Variants in SPAG16 observed in about 807,000 individuals in gnomAD.
The protein encoded by SPAG16 is sperm associated antigen 16, also known as sperm-associated antigen 16 protein.
Under a neutral mutation model 80.4 loss-of-function variants are expected in SPAG16, and 86 were observed. The ratio of observed to expected loss-of-function variants is 1.07; its 90% CI spans 0.90 to 1.28. The LOEUF (loss-of-function observed/expected upper bound fraction) is 1.28, where lower values mean the gene tolerates loss of function less well. SPAG16 is among the 50% of genes most tolerant of loss of function. SPAG16 has a pLI of 0.00. For missense variants in SPAG16, 870 were observed against 765.3 expected (o/e 1.14, Z -1.61); for synonymous variants, 294 against 265.9 (o/e 1.11, Z -1.03).
chr2:214,218,471 C>T (rs2058487655), intron 15 of SPAG16, among the ~76,000 whole-genome samples: 1 of 152,114 alleles, frequency 6.6e-6, no homozygotes, highest in Non-Finnish European at 1.5e-5. Context: ...TGCCTTTAAT[C>T]TGATTGCCTG....
chr2:214,244,743 A>G (rs1203382744), intron 15 of SPAG16, among the ~76,000 whole-genome samples: 1 of 152,084 alleles, frequency 6.6e-6, no homozygotes, highest in Non-Finnish European at 1.5e-5. Flanking sequence ...ATAACACTGG[A>G]ATTCTATATT....
intron 15 of SPAG16, among the ~76,000 whole-genome samples, chr2:214,338,586 C>G (rs1576818811): frequency 1.3e-5 from 2 of 152,178 alleles, no homozygotes; most frequent in African/African-American, 4.8e-5. Context: ...GTCCTTCTAT[C>G]TTTTGTTTCT....
At chr2:214,157,058 T>C (rs2056246578) in intron 15 of SPAG16, among the ~76,000 whole-genome samples, 1 of 152,130 alleles carries the variant, frequency 6.6e-6, no homozygotes, top group Non-Finnish European at 1.5e-5. Context: ...CAAATCCATT[T>C]TGTTCTTAAG....
intron 10 of SPAG16, among the ~76,000 whole-genome samples, chr2:213,643,412 T>A (rs760113040): frequency 0.015 from 1,700 of 110,746 alleles, 55 homozygotes; most frequent in Non-Finnish European, 0.026. Flanking sequence ...ATATATATAT[T>A]TTATCTCTTG....
intron 10 of SPAG16, among the ~76,000 whole-genome samples, chr2:213,536,876 C>T (rs1003275004): frequency 7.9e-5 from 12 of 151,952 alleles, no homozygotes; most frequent in Non-Finnish European, 1.5e-4. Flanking sequence ...ATGTTTATCG[C>T]GGCACTATTC....
chr2:213,525,825 C>T (rs1251861168), intron 10 of SPAG16, among the ~76,000 whole-genome samples: 1 of 151,762 alleles, frequency 6.6e-6, no homozygotes, highest in Non-Finnish European at 1.5e-5. Flanking sequence ...ATAGATCTAC[C>T]AGGGTAGATA....
At chr2:213,692,065 T>G (rs1450333137) in intron 10 of SPAG16, among the ~76,000 whole-genome samples, 1 of 152,162 alleles carries the variant, frequency 6.6e-6, no homozygotes, top group African/African-American at 2.4e-5. Flanking sequence ...TAATTATTAA[T>G]AGCAAACTGG....
At chr2:214,254,699 G>C (rs944102302) in intron 15 of SPAG16, among the ~76,000 whole-genome samples, 2 of 151,916 alleles carry the variant, frequency 1.3e-5, no homozygotes, top group Admixed American at 1.3e-4. Context: ...TTGAGAAAAC[G>C]ATGTAAAACT....
At chr2:213,389,766 C>T (rs1251862238) in intron 9 of SPAG16, among the ~76,000 whole-genome samples, 3 of 152,012 alleles carry the variant, frequency 2.0e-5, no homozygotes, top group Admixed American at 6.5e-5. Flanking sequence ...TAATTGGAAC[C>T]ATTGTTCACT....
chr2:213,991,996 T>C (rs1313126392), intron 12 of SPAG16, among the ~76,000 whole-genome samples: 1 of 151,998 alleles, frequency 6.6e-6, no homozygotes, highest in Non-Finnish European at 1.5e-5. Flanking sequence ...TGAAGACTTG[T>C]TTTGTGTCAC....
At chr2:213,550,122 T>C (rs1237440788) in intron 10 of SPAG16, among the ~76,000 whole-genome samples, 1 of 152,090 alleles carries the variant, frequency 6.6e-6, no homozygotes. Flanking sequence ...AATATTTACT[T>C]ATTTTATTCT....
chr2:213,975,429 T>G lies in SPAG16; in HGVS notation c.1401-38522T>G, dbSNP rs534794613. ...AATAAAATGACAATTTATTAACATG[T>G]TCCTAAAGTAGGTCTAAGATAATTT... is the stretch of plus-strand genomic sequence containing the variant. On this transcript the variant is annotated intron_variant, in intron 12 of 15. Coordinates refer to ENST00000331683, the MANE Select transcript of SPAG16 (RefSeq NM_024532.5). 4.6e-5 allele frequency among the ~76,000 whole-genome samples: 7 copies of G among 151,884 alleles called. No individual in the cohort carries two copies. In the East Asian group the frequency reaches 1.4e-3, roughly 29 times the overall value.
chr2:214,174,988 C>T (rs1307173430), intron 15 of SPAG16, among the ~76,000 whole-genome samples: 4 of 151,514 alleles, frequency 2.6e-5, no homozygotes, highest in African/African-American at 9.7e-5. Context: ...CACAACTCTA[C>T]CCTGCAGAAG....
At chr2:214,295,411 A>G (rs757373634) in intron 15 of SPAG16, among the ~76,000 whole-genome samples, 1 of 147,928 alleles carries the variant, frequency 6.8e-6, no homozygotes, top group Non-Finnish European at 1.5e-5. Flanking sequence ...TTTTAATCTT[A>G]CTCACAATAA....
At chr2:214,103,573 C>G (rs1400215349) in intron 13 of SPAG16, among the ~76,000 whole-genome samples, 1 of 152,156 alleles carries the variant, frequency 6.6e-6, no homozygotes, top group Non-Finnish European at 1.5e-5. Flanking sequence ...ATGTGTATAT[C>G]TAGATGAGAA....
At chr2:214,404,560 G>A (rs901831410) in intron 15 of SPAG16, among the ~76,000 whole-genome samples, 1 of 152,104 alleles carries the variant, frequency 6.6e-6, no homozygotes, top group Non-Finnish European at 1.5e-5. Context: ...AAAATGAAAA[G>A]ATCATTTTGA....
intron 11 of SPAG16, among the ~76,000 whole-genome samples, chr2:213,876,902 C>G (rs1173004002): frequency 6.6e-6 from 1 of 152,102 alleles, no homozygotes; most frequent in Non-Finnish European, 1.5e-5. Flanking sequence ...CCCATTTACA[C>G]AAATTATTTA....
chr2:214,158,685 A>G (rs1240997901), intron 15 of SPAG16, among the ~76,000 whole-genome samples: 1 of 152,012 alleles, frequency 6.6e-6, no homozygotes, highest in African/African-American at 2.4e-5. Context: ...TTTTTAAAAT[A>G]GGTATATTTA....
intron 10 of SPAG16, among the ~76,000 whole-genome samples, chr2:213,775,576 C>G (rs1003630431): frequency 3.9e-5 from 6 of 152,162 alleles, no homozygotes; most frequent in Non-Finnish European, 5.9e-5. Context: ...ATCTTCAGGA[C>G]TTATTCATCT....
Sources: gnomAD v4.1 joint callset for allele counts (sites outside exome capture counted in the v4.1 genomes callset) on GRCh38, gnomAD v4.1.1 for gene constraint, MANE v1.5 for transcripts, NCBI Gene and HGNC (gene_info 2026-07-23, HGNC 2026-07-21) for gene names.